Variants in FBXW7 observed in about 807,000 individuals in gnomAD.
FBXW7 encodes the protein F-box/WD repeat-containing protein 7.
Under a neutral mutation model 86.3 loss-of-function variants are expected in FBXW7, and 11 were observed. That is an observed-to-expected ratio of 0.13 (90% confidence interval 0.08 to 0.21). FBXW7 has a LOEUF of 0.21. FBXW7 is among the 10% of genes least tolerant of loss of function. FBXW7 has a pLI of 1.00. For missense variants in FBXW7, 488 were observed against 847.4 expected (o/e 0.58, Z 5.27); for synonymous variants, 313 against 297.9 (o/e 1.05, Z -0.52).
chr4:152,438,473 T>C (rs1740588766), intron 2 of FBXW7, among the ~76,000 whole-genome samples: 2 of 151,910 alleles, frequency 1.3e-5, no homozygotes, highest in Admixed American at 1.3e-4. Context: ...AGGTCAGGAG[T>C]TCGAGACCAA....
chr4:152,357,257 A>G (rs1247675790), intron 4 of FBXW7, among the ~76,000 whole-genome samples: 1 of 152,308 alleles, frequency 6.6e-6, no homozygotes, highest in East Asian at 1.9e-4. Context: ...ATCAAGCTGC[A>G]AATCAAAATG....
chr4:152,404,646 T>C (rs1417935994), intron 4 of FBXW7, among the ~76,000 whole-genome samples: 3 of 152,212 alleles, frequency 2.0e-5, no homozygotes, highest in African/African-American at 7.2e-5. Context: ...TTTCTGCATG[T>C]TAGCAAAATG....
rs1017265194 is a variant in FBXW7 at position 152,322,050 on chromosome 4, TAAAAA to T, written c.*826_*830del. On this transcript the variant is annotated 3_prime_UTR_variant, in exon 14 of 14. Coordinates refer to ENST00000281708, the MANE Select transcript of FBXW7 (RefSeq NM_001349798.2). The stretch of plus-strand genomic sequence containing the variant: ...CTAAAACGTCACAGCAGAAAAAAAA[TAAAAA>T]AAAATAATTTGCTTTTTTCTTTCTT... The T allele has an allele frequency of 2.2e-5, 5 of 231,312 alleles. No homozygotes were observed. Among genetic ancestry groups the T allele is most frequent in the Non-Finnish European group, 4.3e-5 (5 of 116,960 alleles). 14.3% of individuals were successfully genotyped at this position (231,312 alleles called of 1,614,324 possible).
At chr4:152,477,972 T>G (rs1483380126) in intron 2 of FBXW7, among the ~76,000 whole-genome samples, 2 of 152,096 alleles carry the variant, frequency 1.3e-5, no homozygotes, top group African/African-American at 4.8e-5. Context: ...TAATACATTT[T>G]CAAAGAGGCA....
chr4:152,388,255 T>C (rs76292294), intron 4 of FBXW7, among the ~76,000 whole-genome samples: 2,082 of 152,306 alleles, frequency 0.014, 25 homozygotes, highest in Middle Eastern at 0.037. Context: ...CCCTGCTAAT[T>C]TTCTTCATTT....
intron 2 of FBXW7, among the ~76,000 whole-genome samples, chr4:152,447,861 T>G (rs1324562328): frequency 6.6e-6 from 1 of 152,198 alleles, no homozygotes; most frequent in African/African-American, 2.4e-5. Context: ...GTGAGGAATA[T>G]TCCACTTCAT....
intron 4 of FBXW7, among the ~76,000 whole-genome samples, chr4:152,388,761 T>C (rs531777693): frequency 2.0e-5 from 3 of 152,266 alleles, no homozygotes; most frequent in African/African-American, 4.8e-5. Context: ...TTAATAGATA[T>C]AGACTATCTG....
chr4:152,344,378 C>T (rs1413925852), intron 6 of FBXW7, among the ~76,000 whole-genome samples: 5 of 152,084 alleles, frequency 3.3e-5, no homozygotes, highest in Non-Finnish European at 2.9e-5. Flanking sequence ...TTCTTTGCTA[C>T]AGAATATTTA....
chr4:152,343,988 G>C (rs561253174), intron 6 of FBXW7, among the ~76,000 whole-genome samples: 2 of 152,122 alleles, frequency 1.3e-5, no homozygotes. Context: ...AAGCAATGCT[G>C]TATCACTGCC....
At chr4:152,426,681 C>T (rs1468706342) in intron 2 of FBXW7, among the ~76,000 whole-genome samples, 2 of 152,150 alleles carry the variant, frequency 1.3e-5, no homozygotes, top group African/African-American at 2.4e-5. Flanking sequence ...CAGATGAAAA[C>T]GGGTAGGTCG....
chr4:152,352,442 T>C (rs1484541481), intron 4 of FBXW7: 4 of 1,613,234 alleles, frequency 2.5e-6, no homozygotes, highest in African/African-American at 1.3e-5. Context: ...CACAATCACA[T>C]AGCATAGGAA....
chr4:152,517,983 A>G (rs1177851630), intron 2 of FBXW7, among the ~76,000 whole-genome samples: 1 of 151,820 alleles, frequency 6.6e-6, no homozygotes, highest in Non-Finnish European at 1.5e-5. Flanking sequence ...AGCACTCAAT[A>G]CTTATTTTTT....
chr4:152,422,446 T>C lies in FBXW7; in HGVS notation c.-119-9917A>G, dbSNP rs1180824308. On this transcript the variant is annotated intron_variant, in intron 2 of 13. Transcript: ENST00000281708. ...AGACATCAGGCATTTTAAGACACTT[T>C]GTCAAACTCTCTGTCTCTTTCTGCT... Among the ~76,000 whole-genome samples, 6 of 152,324 alleles carry C rather than the reference T, an allele frequency of 3.9e-5. No individual in the cohort carries two copies. In the East Asian group the frequency reaches 7.7e-4, roughly 20 times the overall value.
In FBXW7 at chr4:152,338,009, A is replaced by C. The variant is rs566054983; in HGVS notation, c.727-73T>G. On this transcript the variant is annotated intron_variant, in intron 6 of 13. Coordinates refer to ENST00000281708, the MANE Select transcript of FBXW7 (RefSeq NM_001349798.2). ...ATTACAGGCTTATAAAGGAAAACTC[A>C]CATCTACACACAACCATAGTTGATC... 64 of 1,437,006 alleles carry C rather than the reference A, an allele frequency of 4.5e-5. 1 individual carries two copies. In the South Asian group the frequency reaches 6.3e-4, roughly 14 times the overall value. The allele number at this position is 1,437,006 out of a possible 1,614,324, so 89.0% of individuals were successfully genotyped here. A position where few individuals can be genotyped will look rare whatever the true frequency, so the allele number is the denominator to read the frequency against.
chr4:152,534,741 A>G (rs1176423147), intron 2 of FBXW7, among the ~76,000 whole-genome samples, 200 bp downstream of exon 2: 1 of 152,216 alleles, frequency 6.6e-6, no homozygotes, highest in Non-Finnish European at 1.5e-5. Context: ...AGAAACCTGC[A>G]TACTTGCATT....
Position 152,347,075 on chromosome 4 carries a change from C to CAAAAAAA in FBXW7, c.585-11_585-5dup. On this transcript the variant is annotated splice_polypyrimidine_tract_variant and splice_region_variant and intron_variant, in intron 5 of 13. Coordinates refer to ENST00000281708, the MANE Select transcript of FBXW7 (RefSeq NM_001349798.2). ...ACATGGTACAAGCCCAGTGGTACTA[C>CAAAAAAA]AAAAAAAAAAAAAAGAGAGAGAGAA... The CAAAAAAA allele has an allele frequency of 7.8e-7, 1 of 1,277,184 alleles. No homozygotes were observed. Among genetic ancestry groups the CAAAAAAA allele is most frequent in the Non-Finnish European group, 1.0e-6 (1 of 980,528 alleles). The allele number at this position is 1,277,184 out of a possible 1,614,324, so 79.1% of individuals were successfully genotyped here.
chr4:152,427,804 TTAAC>T (rs1739521826), intron 2 of FBXW7, among the ~76,000 whole-genome samples: 1 of 152,186 alleles, frequency 6.6e-6, no homozygotes, highest in Non-Finnish European at 1.5e-5. Context: ...TATAATTGCA[TTAAC>T]TATCAGAGGA....
rs547849432 is a variant in FBXW7 at position 152,452,930 on chromosome 4, C to A, written c.-119-40401G>T. ...AGGCGCAGTGGCTCACGCCTGTAAT[C>A]CCACCACTCTGGGAGGCTGAGGCAG... On this transcript the variant is annotated intron_variant, in intron 2 of 13. Coordinates refer to ENST00000281708, the MANE Select transcript of FBXW7 (RefSeq NM_001349798.2). Among the ~76,000 whole-genome samples the A allele has an allele frequency of 2.0e-5, 3 of 152,298 alleles. No homozygotes were observed. In the South Asian group the frequency reaches 6.2e-4, roughly 32 times the overall value.
intron 2 of FBXW7, among the ~76,000 whole-genome samples, chr4:152,514,596 T>C (rs971727595): frequency 2.6e-5 from 4 of 152,176 alleles, no homozygotes; most frequent in African/African-American, 9.7e-5. Context: ...CAGCTTGTGC[T>C]ATCCTCAAGG....
Sources: allele counts gnomAD v4.1 joint callset (sites outside exome capture counted in the v4.1 genomes callset), GRCh38; gene constraint gnomAD v4.1.1; transcripts MANE v1.5; gene names NCBI Gene and HGNC (gene_info 2026-07-23, HGNC 2026-07-21).